The following EVC variants were observed in gnomAD, a reference collection of about 807,000 sequenced individuals.
The protein encoded by EVC is EvC ciliary complex subunit 1, also known as evC complex member EVC.
Under a neutral mutation model 118.9 loss-of-function variants are expected in EVC, and 116 were observed. That is an observed-to-expected ratio of 0.98 (90% CI 0.84 to 1.14). The LOEUF is 1.14. Ranked by LOEUF, EVC falls within the 50% of genes most tolerant of loss-of-function variation. EVC has a pLI of 0.00. For synonymous variants in EVC, 619 were observed against 534.7 expected (o/e 1.16, Z -2.18); for missense variants, 1,401 against 1,246.4 (o/e 1.12, Z -1.87).
Position 5,811,162 on chromosome 4 carries a change from G to A in EVC, c.*125G>A, listed in dbSNP as rs1716860488. The A allele has an allele frequency of 5.3e-6, 4 of 756,876 alleles. No homozygotes were observed. The highest frequency in any genetic ancestry group is 4.3e-5 in the Admixed American group (2 of 46,686). The allele number at this position is 756,876 out of a possible 1,614,324, so 46.9% of individuals were successfully genotyped here. A position where few individuals can be genotyped will look rare whatever the true frequency, so the allele number is the denominator to read the frequency against. On this transcript the variant is annotated 3_prime_UTR_variant, in exon 21 of 21. Coordinates refer to ENST00000264956, the MANE Select transcript of EVC (RefSeq NM_153717.3). ...CAGCGGCATCTCTAGGCTCTTCTGA[G>A]AGGGACAGAGAAAGAATAGAAATGT...
rs540805330 is a variant in EVC at position 5,800,228 on chromosome 4, C to T, written c.2304+1436C>T. 3.9e-5 allele frequency among the ~76,000 whole-genome samples: 6 copies of T among 152,176 alleles called. No homozygotes were observed. In the South Asian group the frequency reaches 1.2e-3, roughly 32 times the overall value. ...GGTGTAGTGGTGTGCGCCTGTAATC[C>T]CAGCTACTCGGGAGGCTGAGGCAGC... On this transcript the variant is annotated intron_variant, in intron 15 of 20. Coordinates refer to ENST00000264956, the MANE Select transcript of EVC (RefSeq NM_153717.3).
chr4:5,741,647 C>G, intron 5 of EVC, 69 bp from the exon 6 acceptor site: 1 of 907,022 alleles, frequency 1.1e-6, no homozygotes, highest in Admixed American at 1.9e-5. Context: ...GAAGAGAAAA[C>G]AGAAAGCAAA....
intron 11 of EVC, among the ~76,000 whole-genome samples, chr4:5,758,705 T>G (rs1731555830): frequency 6.6e-6 from 1 of 152,214 alleles, no homozygotes; most frequent in South Asian, 2.1e-4. Flanking sequence ...GCCCAGGTTT[T>G]ACACAGCTAG....
intron 11 of EVC, among the ~76,000 whole-genome samples, chr4:5,769,823 T>C (rs1024304046): frequency 2.0e-5 from 3 of 152,184 alleles, no homozygotes; most frequent in South Asian, 2.1e-4. Context: ...CACTGGACTC[T>C]GTCCTTGAAG....
chr4:5,819,956 T>C, the EVC span, among the ~76,000 whole-genome samples: 1 of 152,148 alleles, frequency 6.6e-6, no homozygotes, highest in African/African-American at 2.4e-5. Context: ...AGCCCTGCGT[T>C]GATGTGGGAC....
chr4:5,777,222 A>C (rs1734839279), intron 11 of EVC, among the ~76,000 whole-genome samples: 1 of 152,216 alleles, frequency 6.6e-6, no homozygotes, highest in Non-Finnish European at 1.5e-5. Flanking sequence ...ATCCAGGGTC[A>C]CCTTAATTCA....
chr4:5,735,888 A>G (rs575893038), intron 5 of EVC, among the ~76,000 whole-genome samples: 12 of 152,174 alleles, frequency 7.9e-5, no homozygotes, highest in African/African-American at 2.9e-4. Context: ...GGGGAGCATA[A>G]CTCTATCGTC....
chr4:5,808,149 CCCTCCCTCCCTT>C (rs1157048376), intron 17 of EVC, 40 bp from the exon 18 acceptor site: 1 of 709,714 alleles, frequency 1.4e-6, no homozygotes, highest in East Asian at 3.2e-5. Flanking sequence ...CTCCCTCCCT[CCCTCCCTCCCTT>C]CCTTCCTCCC....
chr4:5,809,325 GC>G (rs1290872236), intron 18 of EVC, among the ~76,000 whole-genome samples, 192 bp from the exon 19 acceptor site: 3 of 152,198 alleles, frequency 2.0e-5, no homozygotes, highest in Non-Finnish European at 4.4e-5. Flanking sequence ...CAGTTATGCA[GC>G]AGGAGCTGGT....
At chr4:5,748,793 C>CAATGAGTGAAGGCTCTGGCCAGCTCA (rs1729892726) in intron 8 of EVC, among the ~76,000 whole-genome samples, 1 of 106,594 alleles carries the variant, frequency 9.4e-6, no homozygotes, top group African/African-American at 3.8e-5. Flanking sequence ...TCCATCCATC[C>CAATGAGTGAAGGCTCTGGCCAGCTCA]ATCCATCCAT....
intron 1 of EVC, among the ~76,000 whole-genome samples, chr4:5,715,769 A>C (rs553283040): frequency 4.1e-4 from 49 of 120,928 alleles, no homozygotes; most frequent in Middle Eastern, 0.012. Context: ...TTTGAGATAG[A>C]GTCTTGCTCT....
rs1401307684 is a variant in EVC at position 5,813,233 on chromosome 4, T to A, written c.*2196T>A. 6.6e-6 allele frequency: 1 copy of A among 152,168 alleles called. No individual in the cohort carries two copies. Among genetic ancestry groups the A allele is most frequent in the African/African-American group, 2.4e-5 (1 of 41,432 alleles). The allele number at this position is 152,168 out of a possible 1,614,324, so 9.4% of individuals were successfully genotyped here. A position where few individuals can be genotyped will look rare whatever the true frequency, so the allele number is the denominator to read the frequency against. On this transcript the variant is annotated 3_prime_UTR_variant, in exon 21 of 21. Transcript: ENST00000264956. ...TCTTAAAACCTGCTTTGCATAGAAA[T>A]CACTTTTGCCCAGGCTGGAGTGCAG... is the stretch of plus-strand genomic sequence containing the variant.
At chr4:5,757,647 A>C (rs12500720) in intron 11 of EVC, among the ~76,000 whole-genome samples, 33,192 of 152,086 alleles carry the variant, frequency 0.22, 3,667 homozygotes, top group Middle Eastern at 0.26. Flanking sequence ...TGGAAGACTG[A>C]AGGGCAGGGG....
chr4:5,731,370 G>C lies in EVC; in HGVS notation c.385-55G>C. 1 of 1,383,930 alleles carries C rather than the reference G, an allele frequency of 7.2e-7. No homozygotes were observed. 85.7% of individuals were successfully genotyped at this position (1,383,930 alleles called of 1,614,324 possible). Reference sequence around the variant, plus strand: ...ATCACTGGTAGAATTATGAATACTAGATCAAATCCCAGAGGCATCACATGG... The same window carrying C: ...ATCACTGGTAGAATTATGAATACTACATCAAATCCCAGAGGCATCACATGG... On this transcript the variant is annotated intron_variant, in intron 3 of 20. Transcript: ENST00000264956. The surrounding 1 kb of genome is among the most constrained non-coding windows in gnomAD (Gnocchi z 5.6).
At chr4:5,803,945 T>C (rs1459883833) in intron 16 of EVC, among the ~76,000 whole-genome samples, 1 of 12,624 alleles carries the variant, frequency 7.9e-5, no homozygotes, top group Non-Finnish European at 2.4e-4. Flanking sequence ...CTCATCACCT[T>C]TTTTTTTTTT....
intron 1 of EVC, among the ~76,000 whole-genome samples, chr4:5,717,550 C>T (rs1287678451): frequency 1.3e-5 from 2 of 152,116 alleles, no homozygotes; most frequent in Non-Finnish European, 2.9e-5. Context: ...TTTGCAGGAC[C>T]CTTGTACTGG....
At position 5,740,564 on chromosome 4, in the gene EVC, A is replaced by G. The variant is rs544244525; in HGVS notation, c.703-1152A>G. ...AGTTTTTAGACTTGACACCAAAAGCATGACACACAGAAGGAAAAATTAACT... is the reference window on the plus strand; with the variant it reads ...AGTTTTTAGACTTGACACCAAAAGCGTGACACACAGAAGGAAAAATTAACT... On this transcript the variant is annotated intron_variant, in intron 5 of 20. Coordinates refer to ENST00000264956, the MANE Select transcript of EVC (RefSeq NM_153717.3). Among the ~76,000 whole-genome samples the G allele has an allele frequency of 3.3e-5, 5 of 152,284 alleles. No individual in the cohort carries two copies. The East Asian group carries it at 9.6e-4, about 29-fold the overall frequency.
At chr4:5,750,216 G>A (rs1730145089) in intron 8 of EVC, among the ~76,000 whole-genome samples, 1 of 152,136 alleles carries the variant, frequency 6.6e-6, no homozygotes, top group African/African-American at 2.4e-5. Flanking sequence ...AAGCCCCTTT[G>A]AATTGGATTT....
Position 5,731,097 on chromosome 4 carries a change from T to C in EVC, c.385-328T>C, listed in dbSNP as rs1726734108. Among the ~76,000 whole-genome samples the C allele has an allele frequency of 6.6e-6, 1 of 151,688 alleles. No individual in the cohort carries two copies. The highest frequency in any genetic ancestry group is 2.1e-4 in the South Asian group (1 of 4,766). On this transcript the variant is annotated intron_variant, in intron 3 of 20. Transcript: ENST00000264956. The surrounding 1 kb of genome is among the most constrained non-coding windows in gnomAD (Gnocchi z 5.6). ...GAACTGGGTCAGGGCAAGCGGTGGCTATGGAGGAGGTAGGTCAGAGTTGGC... is the reference window on the plus strand; with the variant it reads ...GAACTGGGTCAGGGCAAGCGGTGGCCATGGAGGAGGTAGGTCAGAGTTGGC...
Sources: gnomAD v4.1 joint callset for allele counts (sites outside exome capture counted in the v4.1 genomes callset) on GRCh38, gnomAD v4.1.1 for gene constraint, Gnocchi (gnomAD v3.1) non-coding constraint, MANE v1.5 for transcripts, NCBI Gene and HGNC (gene_info 2026-07-23, HGNC 2026-07-21) for gene names.